FRMD4A: variants seen among roughly 807,000 people sequenced by gnomAD.
The protein encoded by FRMD4A is FERM domain-containing protein 4A.
Under a neutral mutation model 129.1 loss-of-function variants are expected in FRMD4A, and 29 were observed. The ratio of observed to expected loss-of-function variants is 0.22; its 90% CI spans 0.17 to 0.31. The LOEUF (loss-of-function observed/expected upper bound fraction) is 0.31, where lower values mean the gene tolerates loss of function less well. FRMD4A is among the 10% of genes least tolerant of loss of function. The pLI is 1.00. For synonymous variants in FRMD4A, 634 were observed against 571.6 expected (o/e 1.11, Z -1.56); for missense variants, 1,272 against 1,375.8 (o/e 0.92, Z 1.19).
At chr10:14,179,606 G>T (rs1841845318) in intron 2 of FRMD4A, among the ~76,000 whole-genome samples, 1 of 152,160 alleles carries the variant, frequency 6.6e-6, no homozygotes, top group African/African-American at 2.4e-5. Flanking sequence ...AATAAAAATT[G>T]TGATTTAATA....
intron 2 of FRMD4A, among the ~76,000 whole-genome samples, chr10:14,250,940 C>T (rs2132020067): frequency 6.6e-6 from 1 of 152,310 alleles, no homozygotes; most frequent in Admixed American, 6.5e-5. Flanking sequence ...AGAAGCAAAG[C>T]TGCCTCTTAG....
chr10:13,970,482 T>G (rs1175757756), intron 2 of FRMD4A, among the ~76,000 whole-genome samples: 1 of 152,094 alleles, frequency 6.6e-6, no homozygotes, highest in Non-Finnish European at 1.5e-5. Flanking sequence ...TATTAAGGAA[T>G]TATAGACCAC....
intron 15 of FRMD4A, chr10:13,685,329 G>T (rs771104912): frequency 1.3e-5 from 13 of 982,676 alleles, no homozygotes; most frequent in Non-Finnish European, 1.3e-5. Context: ...ACTGGCACTC[G>T]GTGAAGAGTG....
At chr10:14,155,574 A>G (rs1840556455) in intron 2 of FRMD4A, among the ~76,000 whole-genome samples, 1 of 152,170 alleles carries the variant, frequency 6.6e-6, no homozygotes, top group Non-Finnish European at 1.5e-5. Flanking sequence ...GTTTCCTTAC[A>G]TTGTTATGAG....
chr10:13,846,550 T>C (rs991704660), intron 3 of FRMD4A, among the ~76,000 whole-genome samples: 2 of 152,160 alleles, frequency 1.3e-5, no homozygotes, highest in Non-Finnish European at 2.9e-5. Context: ...GACTCTATAG[T>C]AGGGTCACAT....
chr10:13,695,588 G>A (rs1418826413), intron 14 of FRMD4A, among the ~76,000 whole-genome samples: 2 of 152,248 alleles, frequency 1.3e-5, no homozygotes, highest in Non-Finnish European at 2.9e-5. Flanking sequence ...GAAGGCAACA[G>A]GCTTTGCCAG....
At chr10:13,933,380 A>T (rs1200647783) in intron 2 of FRMD4A, among the ~76,000 whole-genome samples, 3 of 152,176 alleles carry the variant, frequency 2.0e-5, no homozygotes, top group Non-Finnish European at 4.4e-5. Flanking sequence ...TTCTGTAACG[A>T]GGCCCTTGAG....
At chr10:13,670,916 T>A (rs2083458052) in intron 16 of FRMD4A, among the ~76,000 whole-genome samples, 1 of 152,216 alleles carries the variant, frequency 6.6e-6, no homozygotes, top group African/African-American at 2.4e-5. Flanking sequence ...CAGCGTGAGT[T>A]CTCGGGCCTC....
intron 2 of FRMD4A, among the ~76,000 whole-genome samples, chr10:14,233,325 T>C (rs1430301020): frequency 6.6e-6 from 1 of 152,172 alleles, no homozygotes; most frequent in Non-Finnish European, 1.5e-5. Context: ...ATCCCAACAC[T>C]TTGGGAGGCC....
At chr10:13,698,086 T>TGGAGGGAGGGGG in intron 14 of FRMD4A, among the ~76,000 whole-genome samples, 1 of 149,034 alleles carries the variant, frequency 6.7e-6, no homozygotes, top group East Asian at 2.0e-4. Flanking sequence ...GGAGAGCTGA[T>TGGAGGGAGGGGG]GGAGGGAGGG....
intron 2 of FRMD4A, among the ~76,000 whole-genome samples, chr10:14,197,702 T>C (rs1317644001): frequency 6.6e-6 from 1 of 152,236 alleles, no homozygotes; most frequent in Admixed American, 6.5e-5. Flanking sequence ...ACTATTAAAT[T>C]ATTATTTCAT....
intron 2 of FRMD4A, among the ~76,000 whole-genome samples, chr10:14,123,405 T>A (rs962806416): frequency 6.6e-6 from 1 of 152,216 alleles, no homozygotes; most frequent in Non-Finnish European, 1.5e-5. Context: ...AAAATTCCAT[T>A]TCTCTTGCCA....
At chr10:13,741,259 G>A (rs2090991244) in intron 9 of FRMD4A, among the ~76,000 whole-genome samples, 1 of 151,860 alleles carries the variant, frequency 6.6e-6, no homozygotes, top group Non-Finnish European at 1.5e-5. Flanking sequence ...AGACCAGCCT[G>A]GGCAACACAG....
chr10:14,141,363 C>G (rs1839825117), intron 2 of FRMD4A, among the ~76,000 whole-genome samples: 1 of 152,142 alleles, frequency 6.6e-6, no homozygotes, highest in Non-Finnish European at 1.5e-5. Context: ...CAGCAGGGCA[C>G]ACAACCCCTT....
chr10:13,805,100 G>A (rs998389909), intron 4 of FRMD4A, among the ~76,000 whole-genome samples: 5 of 152,074 alleles, frequency 3.3e-5, no homozygotes, highest in Non-Finnish European at 7.4e-5. Context: ...CTCAAAGGCG[G>A]TGTGATGAAA....
At chr10:14,138,020 A>C (rs1839635761) in intron 2 of FRMD4A, among the ~76,000 whole-genome samples, 1 of 152,176 alleles carries the variant, frequency 6.6e-6, no homozygotes, top group Admixed American at 6.5e-5. Flanking sequence ...GGCAGTTGTT[A>C]GATACAAAGA....
intron 2 of FRMD4A, among the ~76,000 whole-genome samples, chr10:14,202,937 C>T (rs993525474): frequency 6.6e-6 from 1 of 152,034 alleles, no homozygotes; most frequent in Non-Finnish European, 1.5e-5. Flanking sequence ...CCAAGCCTGG[C>T]TAATTTTGTA....
rs71388168 is a variant in FRMD4A at position 14,241,683 on chromosome 10, T to TAAAAAA, written c.45+88369_45+88374dup. Among the ~76,000 whole-genome samples, 30 of 23,414 alleles carry TAAAAAA rather than the reference T, an allele frequency of 1.3e-3. 6 individuals carry two copies. Among genetic ancestry groups the TAAAAAA allele is most frequent in the African/African-American group, 3.3e-3 (19 of 5,700 alleles). 15.4% of individuals were successfully genotyped at this position (23,414 alleles called of 152,430 possible). A position where few individuals can be genotyped will look rare whatever the true frequency, so the allele number is the denominator to read the frequency against. ...GGAGAGGGATTTGTTTTACCCTCCC[T>TAAAAAA]AAAAAAAAAAAAAAAAAAAAAAAAA... On this transcript the variant is annotated intron_variant, in intron 2 of 24. Coordinates refer to ENST00000357447, the MANE Select transcript of FRMD4A (RefSeq NM_018027.5).
intron 2 of FRMD4A, among the ~76,000 whole-genome samples, chr10:13,889,808 C>T (rs932195265): frequency 1.3e-5 from 2 of 152,212 alleles, no homozygotes; most frequent in South Asian, 4.1e-4. Flanking sequence ...CAACTTCATA[C>T]ACCAGTCATT....
Sources: allele counts gnomAD v4.1 joint callset (sites outside exome capture counted in the v4.1 genomes callset), GRCh38; gene constraint gnomAD v4.1.1; transcripts MANE v1.5; gene names NCBI Gene and HGNC (gene_info 2026-07-23, HGNC 2026-07-21).